SLC13A3: variants seen among roughly 807,000 people sequenced by gnomAD.
The protein encoded by SLC13A3 is solute carrier family 13 member 3.
In SLC13A3, 40 loss-of-function variants were observed where a neutral mutation model predicts 59.0. The observed-to-expected ratio is 0.68, with a 90% CI of 0.53 to 0.88. SLC13A3 has a LOEUF of 0.88. SLC13A3 is among the 40% of genes least tolerant of loss of function. The pLI, the probability that SLC13A3 is intolerant of heterozygous loss-of-function variation, is 0.00. For missense variants in SLC13A3, 699 were observed against 783.2 expected (o/e 0.89, Z 1.28); for synonymous variants, 317 against 330.3 (o/e 0.96, Z 0.44).
At chr20:46,573,636 T>C (rs1409104986) in intron 10 of SLC13A3, among the ~76,000 whole-genome samples, 3 of 152,228 alleles carry the variant, frequency 2.0e-5, no homozygotes, top group Non-Finnish European at 4.4e-5. Context: ...CGGCTATATG[T>C]ATTGGGCAGT....
intron 3 of SLC13A3, among the ~76,000 whole-genome samples, chr20:46,601,934 T>G (rs2062384706): frequency 6.6e-6 from 1 of 151,922 alleles, no homozygotes; most frequent in Non-Finnish European, 1.5e-5. Flanking sequence ...CATGCAGGGA[T>G]CTCAGAGCTC....
chr20:46,558,897 T>G lies in SLC13A3; in HGVS notation c.*1125A>C, dbSNP rs896151496. On this transcript the variant is annotated 3_prime_UTR_variant, in exon 13 of 13. Coordinates refer to ENST00000279027, the MANE Select transcript of SLC13A3 (RefSeq NM_022829.6). ...CTCTTCACTGGGATGCCAGAATGCT[T>G]CTGCTTGGAACAAAGAGGGATTAAC... The G allele has an allele frequency of 2.0e-5, 3 of 151,894 alleles. No homozygotes were observed. The South Asian group carries it at 6.2e-4, about 32-fold the overall frequency. The allele number at this position is 151,894 out of a possible 1,614,324, so 9.4% of individuals were successfully genotyped here. A position where few individuals can be genotyped will look rare whatever the true frequency, so the allele number is the denominator to read the frequency against.
chr20:46,680,186 G>A (rs573760308), intron 1 of SLC13A3, among the ~76,000 whole-genome samples: 13 of 152,270 alleles, frequency 8.5e-5, no homozygotes, highest in Admixed American at 5.9e-4. Flanking sequence ...AGATTCTCAG[G>A]CCAGTCTCAG....
chr20:46,655,841 T>A (rs1038348978), upstream of SLC13A3, among the ~76,000 whole-genome samples: 49 of 137,626 alleles, frequency 3.6e-4, no homozygotes, highest in Admixed American at 8.9e-4. Flanking sequence ...ACAGTATATA[T>A]TATACTGTAT....
intron 1 of SLC13A3, among the ~76,000 whole-genome samples, chr20:46,682,663 G>C (rs1335119394): frequency 6.6e-6 from 1 of 152,132 alleles, no homozygotes; most frequent in Non-Finnish European, 1.5e-5. Flanking sequence ...TGGAAAGAAC[G>C]TAACTCTATA....
intron 5 of SLC13A3, among the ~76,000 whole-genome samples, chr20:46,595,279 G>A (rs2062299136): frequency 1.3e-5 from 2 of 152,244 alleles, no homozygotes; most frequent in Admixed American, 6.5e-5. Flanking sequence ...AATAATGGGA[G>A]CGGCACGTTG....
chr20:46,598,632 G>GC (rs1013790024), intron 4 of SLC13A3, among the ~76,000 whole-genome samples: 1 of 152,104 alleles, frequency 6.6e-6, no homozygotes, highest in African/African-American at 2.4e-5. Flanking sequence ...TGGACTCAAA[G>GC]CCCCCAAACA....
chr20:46,628,078 G>A (rs567375153), intron 1 of SLC13A3, among the ~76,000 whole-genome samples: 19 of 152,296 alleles, frequency 1.2e-4, no homozygotes, highest in South Asian at 1.2e-3. Context: ...CACCAGCCAC[G>A]TGGCCACACT....
At position 46,588,085 on chromosome 20, in the gene SLC13A3, A is replaced by T; in HGVS notation, c.1095T>A (p.Pro365=). 1 of 1,611,810 alleles carries T rather than the reference A, an allele frequency of 6.2e-7. No individual in the cohort carries two copies. Among genetic ancestry groups the T allele is most frequent in the Non-Finnish European group, 8.5e-7 (1 of 1,178,498 alleles). ...LLFTRDPKFI[P]GWASLFNPGF... ...CAGGATTGAAGAGGCTGGCCCAGCC[A>T]GGGATGAACTTCGGGTCCCGGGTGA... Residue 365 remains proline, a synonymous_variant, in exon 8 of 13, where the codon CCT becomes CCA. Coordinates refer to ENST00000279027, the MANE Select transcript of SLC13A3 (RefSeq NM_022829.6).
At chr20:46,677,309 T>A (rs1465938887) in intron 1 of SLC13A3, among the ~76,000 whole-genome samples, 2 of 152,150 alleles carry the variant, frequency 1.3e-5, no homozygotes, top group Non-Finnish European at 2.9e-5. Context: ...TCCACCCACA[T>A]AACCAGCATC....
chr20:46,562,011 T>C (rs970232844), intron 12 of SLC13A3, among the ~76,000 whole-genome samples: 2 of 152,194 alleles, frequency 1.3e-5, no homozygotes, highest in Admixed American at 1.3e-4. Flanking sequence ...TGCAAGTCTC[T>C]ACCTCTTGGG....
At chr20:46,639,767 C>A (rs2122849161) in intron 1 of SLC13A3, among the ~76,000 whole-genome samples, 2 of 152,336 alleles carry the variant, frequency 1.3e-5, no homozygotes, top group South Asian at 4.1e-4. Context: ...CAAGTGCCAA[C>A]CCCACTATTT....
intron 2 of SLC13A3, 89 bp from the exon 3 acceptor site, chr20:46,610,698 T>C (rs1486513836): frequency 2.6e-5 from 29 of 1,103,196 alleles, no homozygotes; most frequent in Non-Finnish European, 3.6e-5. Flanking sequence ...AGGAATACAA[T>C]CCATCCATTT....
intron 1 of SLC13A3, among the ~76,000 whole-genome samples, chr20:46,634,726 C>T (rs780093964): frequency 2.1e-4 from 32 of 152,160 alleles, no homozygotes; most frequent in Non-Finnish European, 3.8e-4. Context: ...TGCAGGAGCT[C>T]CTGGTGGCCT....
At chr20:46,622,835 T>C (rs1437572651) in intron 1 of SLC13A3, among the ~76,000 whole-genome samples, 1 of 152,174 alleles carries the variant, frequency 6.6e-6, no homozygotes, top group African/African-American at 2.4e-5. Flanking sequence ...TGAACAACTT[T>C]TTACCAATAA....
At chr20:46,628,477 G>A (rs563202966) in intron 1 of SLC13A3, among the ~76,000 whole-genome samples, 3 of 152,162 alleles carry the variant, frequency 2.0e-5, no homozygotes, top group South Asian at 2.1e-4. Flanking sequence ...AAGGCCTAAC[G>A]GAGTCTGCAT....
chr20:46,629,199 G>A (rs1346379057), intron 1 of SLC13A3, among the ~76,000 whole-genome samples: 8 of 152,158 alleles, frequency 5.3e-5, no homozygotes. Flanking sequence ...TGATATATCT[G>A]TAAAATTATT....
At chr20:46,614,684 T>C (rs1247496963) in intron 1 of SLC13A3, among the ~76,000 whole-genome samples, 1 of 152,204 alleles carries the variant, frequency 6.6e-6, no homozygotes, top group East Asian at 1.9e-4. Flanking sequence ...GTAGGTATGA[T>C]TATTACCCCC....
At chr20:46,605,316 A>G (rs2062427110) in intron 3 of SLC13A3, among the ~76,000 whole-genome samples, 1 of 152,180 alleles carries the variant, frequency 6.6e-6, no homozygotes. Context: ...CAGAGCTCTT[A>G]GGCATTTACA....
Sources: allele counts gnomAD v4.1 joint callset (sites outside exome capture counted in the v4.1 genomes callset), GRCh38; gene constraint gnomAD v4.1.1; transcripts MANE v1.5; gene names NCBI Gene and HGNC (gene_info 2026-07-23, HGNC 2026-07-21).